The following LTBP1 variants were observed in gnomAD, a reference collection of about 807,000 sequenced individuals.
The protein encoded by LTBP1 is latent-transforming growth factor beta-binding protein 1.
A neutral mutation model predicts 207.6 loss-of-function variants in LTBP1; 129 were observed. That is an observed-to-expected ratio of 0.62 (90% CI 0.54 to 0.72). LTBP1 has a LOEUF of 0.72. Ranked by LOEUF, LTBP1 falls within the 30% of genes least tolerant of loss-of-function variation. The probability of loss-of-function intolerance (pLI) is 0.00; values close to 1 mark genes in which losing one functional copy is unlikely to be tolerated. For missense variants in LTBP1, 2,281 were observed against 2,217.2 expected (o/e 1.03, Z -0.58); for synonymous variants, 963 against 833.7 (o/e 1.16, Z -2.67).
Position 33,275,825 on chromosome 2 carries a change from A to G in LTBP1, c.2894A>G (p.Asp965Gly). ...GATGTTGACGAATGCCTGAGGCCGGACGTCTGTGGGGAGGGGCACTGTGTC... is the reference window on the plus strand; with the variant it reads ...GATGTTGACGAATGCCTGAGGCCGGGCGTCTGTGGGGAGGGGCACTGTGTC... ...CIDVDECLRP[D>G]VCGEGHCVNT... Residue 965 changes from aspartate to glycine, a missense_variant, in exon 18 of 34, where the codon GAC becomes GGC. This residue lies in a region of LTBP1 where 1,671 missense variants were observed against 1,634.8 expected (regional missense o/e 1.02). Coordinates refer to ENST00000404816, the MANE Select transcript of LTBP1 (RefSeq NM_206943.4). 6.2e-7 allele frequency: 1 copy of G among 1,614,010 alleles called. No homozygotes were observed. The highest frequency in any genetic ancestry group is 8.5e-7 in the Non-Finnish European group (1 of 1,179,968).
At chr2:33,038,276 G>C (rs186389321) in intron 3 of LTBP1, among the ~76,000 whole-genome samples, 1 of 152,186 alleles carries the variant, frequency 6.6e-6, no homozygotes, top group African/African-American at 2.4e-5. Context: ...AGACAGATGC[G>C]ACTCCTCCTG....
At chr2:33,304,363 T>A (rs527994774) in intron 22 of LTBP1, among the ~76,000 whole-genome samples, 1 of 152,238 alleles carries the variant, frequency 6.6e-6, no homozygotes, top group Non-Finnish European at 1.5e-5. Flanking sequence ...ACCGTGACTG[T>A]TCACACGCCT....
Position 33,101,255 on chromosome 2 carries a change from A to T in LTBP1, c.864-9327A>T, listed in dbSNP as rs182359177. On this transcript the variant is annotated intron_variant, in intron 3 of 33. Transcript: ENST00000404816. ...TTGTTTACAAATAACTTCAAAAAAAATTTTAAGTGAAGCTTATATTTAATG... is the reference window on the plus strand; with the variant it reads ...TTGTTTACAAATAACTTCAAAAAAATTTTTAAGTGAAGCTTATATTTAATG... 9.3e-4 allele frequency among the ~76,000 whole-genome samples: 141 copies of T among 152,332 alleles called. No homozygotes were observed. The East Asian group carries it at 0.021, about 22-fold the overall frequency.
intron 3 of LTBP1, among the ~76,000 whole-genome samples, chr2:33,054,533 A>G (rs1248528650): frequency 6.6e-6 from 1 of 152,192 alleles, no homozygotes; most frequent in Non-Finnish European, 1.5e-5. Context: ...CTTGGCTAAT[A>G]TATCCCTCCC....
rs1212330865 is a variant in LTBP1 at position 33,275,912 on chromosome 2, G to A, written c.2981G>A (p.Gly994Asp). The A allele has an allele frequency of 1.9e-6, 3 of 1,591,912 alleles. No individual in the cohort carries two copies. The Admixed American group carries it at 5.2e-5, about 28-fold the overall frequency. The change falls in exon 18 of 34, where the codon GGC (glycine) becomes GAC (aspartate). Residue 994 changes from glycine (G) to aspartate (D), a missense_variant. Gly to Asp is a moderately conservative substitution (Grantham distance 94). Transcript: ENST00000404816. ...CDSGYRMTQR[G>D]RCEDIDECLN... ...AGCGGGTACCGCATGACTCAGAGAG[G>A]CCGTTGTGAGGGTGAGTCAGCTGAG...
At position 33,141,784 on chromosome 2, in the gene LTBP1, C is replaced by G. The variant is rs1164134172; in HGVS notation, c.1201+6824C>G. 2.0e-5 allele frequency among the ~76,000 whole-genome samples: 3 copies of G among 152,144 alleles called. No individual in the cohort carries two copies. In the East Asian group the frequency reaches 5.8e-4, roughly 29 times the overall value. On this transcript the variant is annotated intron_variant, in intron 5 of 33. Transcript: ENST00000404816. The stretch of plus-strand genomic sequence containing the variant: ...TTTGTCTAAACCGTGGAGCACCCCC[C>G]AAAAAGGCTGACATTTGGAGCATTC...
At chr2:33,381,508 C>G (rs980090080) in intron 31 of LTBP1, among the ~76,000 whole-genome samples, 1 of 152,084 alleles carries the variant, frequency 6.6e-6, no homozygotes, top group Non-Finnish European at 1.5e-5. Flanking sequence ...TAAACCTTGC[C>G]AAGACTTTAG....
chr2:33,301,559 T>C lies in LTBP1; in HGVS notation c.3396T>C (p.His1132=), dbSNP rs1478388147. 8 of 1,611,786 alleles carry C rather than the reference T, an allele frequency of 5.0e-6. No homozygotes were observed. The East Asian group carries it at 1.8e-4, about 36-fold the overall frequency. The change falls in exon 22 of 34, where the codon CAT becomes CAC. Residue 1132 remains histidine, a synonymous_variant. Coordinates refer to ENST00000404816, the MANE Select transcript of LTBP1 (RefSeq NM_206943.4). ...GCCAGCACCGTCATCTCTGTGCTCA[T>C]GGGCAGTGCAGGAACACTGAGGGCT... ...DECQHRHLCA[H]GQCRNTEGSF...
At chr2:33,271,125 A>G (rs964915069) in intron 15 of LTBP1, among the ~76,000 whole-genome samples, 2 of 152,344 alleles carry the variant, frequency 1.3e-5, no homozygotes, top group East Asian at 3.9e-4. Context: ...CACACATATA[A>G]AGAAGTTCCA....
At chr2:33,376,272 T>G (rs2095138776) in intron 31 of LTBP1, among the ~76,000 whole-genome samples, 1 of 152,240 alleles carries the variant, frequency 6.6e-6, no homozygotes, top group African/African-American at 2.4e-5. Flanking sequence ...GAGTTGAAGT[T>G]GCAAGGCCTG....
intron 25 of LTBP1, among the ~76,000 whole-genome samples, chr2:33,346,944 G>T (rs1322898233): frequency 1.3e-5 from 2 of 151,790 alleles, no homozygotes; most frequent in Non-Finnish European, 2.9e-5. Context: ...GTGGAACCCC[G>T]TTGCTACTTA....
intron 2 of LTBP1, among the ~76,000 whole-genome samples, chr2:33,002,384 G>T (rs1686165247): frequency 6.6e-6 from 1 of 152,294 alleles, no homozygotes; most frequent in East Asian, 1.9e-4. Flanking sequence ...GTAAGGACAG[G>T]TAAAACCACC....
chr2:33,261,541 C>A (rs2147990561), intron 13 of LTBP1, among the ~76,000 whole-genome samples: 1 of 147,380 alleles, frequency 6.8e-6, no homozygotes, highest in Non-Finnish European at 1.5e-5. Flanking sequence ...GTGGTGGGAT[C>A]TATGGATATG....
intron 24 of LTBP1, among the ~76,000 whole-genome samples, chr2:33,316,793 G>A (rs2094279985): frequency 6.6e-6 from 1 of 152,138 alleles, no homozygotes; most frequent in African/African-American, 2.4e-5. Context: ...CTCAGCTTGA[G>A]GGATAGGGTG....
intron 5 of LTBP1, among the ~76,000 whole-genome samples, chr2:33,173,572 A>G (rs1158390624): frequency 4.6e-5 from 7 of 151,962 alleles, no homozygotes; most frequent in Admixed American, 4.6e-4. Context: ...ATTCTACCAG[A>G]GGTACAAGGA....
At chr2:33,263,419 A>G in intron 15 of LTBP1, 27 bp downstream of exon 15, 1 of 1,538,552 alleles carries the variant, frequency 6.5e-7, no homozygotes. Flanking sequence ...TACATTATAT[A>G]TCACATGGAG....
intron 8 of LTBP1, among the ~76,000 whole-genome samples, chr2:33,220,550 CT>C (rs2091037189): frequency 6.6e-6 from 1 of 152,162 alleles, no homozygotes; most frequent in African/African-American, 2.4e-5. Flanking sequence ...TCCTTTAAAA[CT>C]TTTGAGAAGA....
chr2:33,204,084 C>T (rs911463936), intron 7 of LTBP1, among the ~76,000 whole-genome samples: 5 of 152,194 alleles, frequency 3.3e-5, no homozygotes, highest in African/African-American at 1.2e-4. Flanking sequence ...CCTCTGAAAT[C>T]TGCCCCATAA....
intron 5 of LTBP1, among the ~76,000 whole-genome samples, chr2:33,165,410 G>A (rs1370135123): frequency 6.6e-6 from 1 of 152,330 alleles, no homozygotes; most frequent in African/African-American, 2.4e-5. Context: ...AGGCTTTGAT[G>A]TTTATGGTTC....
Sources: allele counts gnomAD v4.1 joint callset (sites outside exome capture counted in the v4.1 genomes callset), GRCh38; gene constraint gnomAD v4.1.1; regional missense constraint gnomAD v4.1.1; transcripts MANE v1.5; gene names NCBI Gene and HGNC (gene_info 2026-07-23, HGNC 2026-07-21).